Variants in RAD21 observed in about 807,000 individuals in gnomAD.
The protein encoded by RAD21 is double-strand-break repair protein rad21 homolog.
Under a neutral mutation model 71.5 loss-of-function variants are expected in RAD21, and 18 were observed. That is an observed-to-expected ratio of 0.25 (90% CI 0.17 to 0.37). RAD21 has a LOEUF of 0.37. Ranked by LOEUF, RAD21 falls within the 10% of genes least tolerant of loss-of-function variation. RAD21 has a pLI of 1.00. For missense variants in RAD21, 493 were observed against 769.1 expected (o/e 0.64, Z 4.25); for synonymous variants, 248 against 254.0 (o/e 0.98, Z 0.22).
Position 116,856,704 on chromosome 8 carries a change from C to A in RAD21, c.756G>T (p.Gly252=). 1 of 1,592,264 alleles carries A rather than the reference C, an allele frequency of 6.3e-7. No homozygotes were observed. The change falls in exon 7 of 14, where the codon GGG becomes GGT. Residue 252 remains glycine (G), a synonymous_variant. Transcript: ENST00000297338. ...FDDPPALSEA[G]VMLPEQPAHD... ...GTGCAGGCTGCTCTGGCAACATCACCCCTGCCTCAGAGAGGGCAGGGGGAT... is the reference window on the plus strand; with the variant it reads ...GTGCAGGCTGCTCTGGCAACATCACACCTGCCTCAGAGAGGGCAGGGGGAT...
chr8:116,860,637 C>G (rs996106717), intron 4 of RAD21, among the ~76,000 whole-genome samples: 4 of 150,144 alleles, frequency 2.7e-5, no homozygotes, highest in African/African-American at 1.0e-4. Flanking sequence ...AAACATAATG[C>G]TATTACTGCA....
In RAD21 at chr8:116,854,335, G is replaced by A. The variant is rs377195087; in HGVS notation, c.1071C>T (p.Thr357=). ...TCTCTTTCCACATCATCAATTTCTT[G>A]GTGGGCGGTGCCAGATCCAAAGTAG... ...IVTTLDLAPP[T]KKLMMWKETG... Residue 357 remains threonine, a synonymous_variant, in exon 9 of 14, where the codon ACC becomes ACT. Coordinates refer to ENST00000297338, the MANE Select transcript of RAD21 (RefSeq NM_006265.3). 1.4e-5 allele frequency: 23 copies of A among 1,613,720 alleles called. No individual in the cohort carries two copies. Among genetic ancestry groups the A allele is most frequent in the Non-Finnish European group, 1.7e-6 (2 of 1,179,928 alleles).
chr8:116,868,049 TTTTTC>T (rs1156620595), intron 1 of RAD21, among the ~76,000 whole-genome samples: 1 of 152,156 alleles, frequency 6.6e-6, no homozygotes, highest in Non-Finnish European at 1.5e-5. Context: ...TTTGTCACTT[TTTTTC>T]TTTTAAGAGA....
At chr8:116,860,203 C>A (rs1812560949) in intron 4 of RAD21, among the ~76,000 whole-genome samples, 1 of 152,060 alleles carries the variant, frequency 6.6e-6, no homozygotes, top group Non-Finnish European at 1.5e-5. Context: ...TATGGATGAG[C>A]AAAGAAAGTG....
rs201524128 is a variant in RAD21 at position 116,858,878 on chromosome 8, AAAAAAT to A, written c.375-426_375-421del. Among the ~76,000 whole-genome samples the A allele has an allele frequency of 1.6e-4, 24 of 152,162 alleles. No homozygotes were observed. In the East Asian group the frequency reaches 4.4e-3, roughly 28 times the overall value. The stretch of plus-strand genomic sequence containing the variant: ...CTCATATAGTTTAAAAATACTAAAT[AAAAAAT>A]AAAAAGTATGTAATGCTAAACACCA... On this transcript the variant is annotated intron_variant, in intron 4 of 13. Coordinates refer to ENST00000297338, the MANE Select transcript of RAD21 (RefSeq NM_006265.3).
At chr8:116,859,367 T>C (rs1319642932) in intron 4 of RAD21, among the ~76,000 whole-genome samples, 2 of 152,144 alleles carry the variant, frequency 1.3e-5, no homozygotes, top group Non-Finnish European at 2.9e-5. Context: ...ATATTTGTTA[T>C]GGTGATCTTG....
intron 2 of RAD21, among the ~76,000 whole-genome samples, chr8:116,865,334 C>T (rs1812667824): frequency 6.6e-6 from 1 of 152,110 alleles, no homozygotes; most frequent in Non-Finnish European, 1.5e-5. Flanking sequence ...TTAAGCCACT[C>T]AATATTTGCT....
At chr8:116,857,051 A>G (rs968493860) in intron 6 of RAD21, among the ~76,000 whole-genome samples, 1 of 152,178 alleles carries the variant, frequency 6.6e-6, no homozygotes, top group Admixed American at 6.5e-5. Context: ...TTTAAGTACT[A>G]ATAAAATTTA....
At chr8:116,872,559 C>T (rs1375609031) in intron 1 of RAD21, among the ~76,000 whole-genome samples, 1 of 151,782 alleles carries the variant, frequency 6.6e-6, no homozygotes. Context: ...CACACACACA[C>T]ACACACATAT....
At chr8:116,861,192 A>T (rs1311204128) in intron 4 of RAD21, among the ~76,000 whole-genome samples, 1 of 152,056 alleles carries the variant, frequency 6.6e-6, no homozygotes, top group Non-Finnish European at 1.5e-5. Context: ...AAAGCAGAGA[A>T]ATCTGTAATG....
intron 13 of RAD21, among the ~76,000 whole-genome samples, chr8:116,848,330 C>T (rs1042640116): frequency 1.1e-4 from 17 of 152,122 alleles, no homozygotes; most frequent in African/African-American, 4.1e-4. Context: ...AAGAAACCAG[C>T]AAAATTGTTC....
chr8:116,852,631 C>T lies in RAD21; in HGVS notation c.1239G>A (p.Leu413=). The T allele has an allele frequency of 1.2e-6, 2 of 1,613,080 alleles. No homozygotes were observed. The highest frequency in any genetic ancestry group is 1.7e-6 in the Non-Finnish European group (2 of 1,179,500). ...KRRKGGEADN[L]DEFLKEFENP... is the part of the protein sequence containing the mutation. The stretch of plus-strand genomic sequence containing the variant: ...TTTCAAATTCTTTGAGGAATTCATC[C>T]AAATTATCTGCCTCTCCTCCTTTCC... Residue 413 remains leucine (L), a synonymous_variant, in exon 10 of 14, where the codon TTG becomes TTA. Coordinates refer to ENST00000297338, the MANE Select transcript of RAD21 (RefSeq NM_006265.3).
chr8:116,874,462 G>T (rs898903744), intron 1 of RAD21, 149 bp downstream of exon 1: 1 of 208,614 alleles, frequency 4.8e-6, no homozygotes, highest in Non-Finnish European at 9.6e-6. Flanking sequence ...TTGGGCGCCG[G>T]GAGGGTGGCA....
Position 116,848,884 on chromosome 8 carries a change from TCAGGGAA to T in RAD21, c.1704+55_1704+61del. 5 of 1,387,016 alleles carry T rather than the reference TCAGGGAA, an allele frequency of 3.6e-6. No individual in the cohort carries two copies. In the Admixed American group the frequency reaches 9.0e-5, roughly 25 times the overall value. 85.9% of individuals were successfully genotyped at this position (1,387,016 alleles called of 1,614,324 possible). A position where few individuals can be genotyped will look rare whatever the true frequency, so the allele number is the denominator to read the frequency against. The stretch of plus-strand genomic sequence containing the variant: ...TTTCCAGCATCTAACTTTTTTTTTT[TCAGGGAA>T]CAATGGCAAAAGCCTTTGATGAAGC... On this transcript the variant is annotated intron_variant, in intron 13 of 13. Transcript: ENST00000297338.
rs1366491318 is a variant in RAD21, at chr8:116,873,613, C to A, written c.-33+998G>T. Among the ~76,000 whole-genome samples the A allele has an allele frequency of 4.0e-5, 6 of 150,910 alleles. No individual in the cohort carries two copies. In the East Asian group the frequency reaches 7.8e-4, roughly 19 times the overall value. On this transcript the variant is annotated intron_variant, in intron 1 of 13. Coordinates refer to ENST00000297338, the MANE Select transcript of RAD21 (RefSeq NM_006265.3). ...GAAGCCGATAAACACAAGCCTTTCC[C>A]AGAAACTCTTCGCACAAACGCTGTT... is the stretch of plus-strand genomic sequence containing the variant.
chr8:116,870,281 C>T (rs1381782504), intron 1 of RAD21, among the ~76,000 whole-genome samples: 2 of 152,138 alleles, frequency 1.3e-5, no homozygotes, highest in Non-Finnish European at 2.9e-5. Context: ...CATCCCAGCC[C>T]TTTGGGAGGC....
At position 116,852,058 on chromosome 8, in the gene RAD21, A is replaced by G. The variant is rs774116895; in HGVS notation, c.1360T>C (p.Ser454Pro). 5.2e-5 allele frequency: 84 copies of G among 1,611,248 alleles called. No individual in the cohort carries two copies. The highest frequency in any genetic ancestry group is 6.8e-5 in the Non-Finnish European group (80 of 1,177,818). The change falls in exon 11 of 14, where the codon TCA becomes CCA. Residue 454 changes from serine to proline, a missense_variant. Ser to Pro is a moderately conservative substitution (Grantham distance 74, BLOSUM62 -1). Coordinates refer to ENST00000297338, the MANE Select transcript of RAD21 (RefSeq NM_006265.3). ...TTTGTTCTGCTGGCCTCCATCACTGACTCCTGGAGGCGGCTTGGCTCTTCA... is the reference window on the plus strand; with the variant it reads ...TTTGTTCTGCTGGCCTCCATCACTGGCTCCTGGAGGCGGCTTGGCTCTTCA... ...IIEEPSRLQESVMEASRTNID... is the reference protein window; with the variant it reads ...IIEEPSRLQEPVMEASRTNID...
chr8:116,873,268 TA>T (rs5894356), intron 1 of RAD21, among the ~76,000 whole-genome samples: 16,827 of 152,034 alleles, frequency 0.11, 2,054 homozygotes, highest in African/African-American at 0.3. Flanking sequence ...GACTTGTGTA[TA>T]AAAAAAAGCA....
In RAD21 at chr8:116,865,223, G is replaced by A. The variant is rs148616547; in HGVS notation, c.144+1363C>T. 2.7e-3 allele frequency among the ~76,000 whole-genome samples: 413 copies of A among 151,892 alleles called. 4 individuals are homozygous for A. Among genetic ancestry groups the A allele is most frequent in the African/African-American group, 9.5e-3 (395 of 41,426 alleles). On this transcript the variant is annotated intron_variant, in intron 2 of 13. Coordinates refer to ENST00000297338, the MANE Select transcript of RAD21 (RefSeq NM_006265.3). ...TGTCTGCTTTCCTTTGTGGCTGTTC[G>A]TGTATATGTTCAATTATCAGATTGT...
Sources: allele counts gnomAD v4.1 joint callset (sites outside exome capture counted in the v4.1 genomes callset), GRCh38; gene constraint gnomAD v4.1.1; transcripts MANE v1.5; gene names NCBI Gene and HGNC (gene_info 2026-07-23, HGNC 2026-07-21).